Variants in FHIT observed in about 807,000 individuals in gnomAD.
FHIT encodes the protein bis(5'-adenosyl)-triphosphatase.
FHIT carries 19 observed loss-of-function variants against 17.9 expected under a neutral mutation model. That is an observed-to-expected ratio of 1.06 (90% CI 0.74 to 1.56). The LOEUF (loss-of-function observed/expected upper bound fraction) is 1.56. Ranked by LOEUF, FHIT falls within the 40% of genes most tolerant of loss-of-function variation. The pLI is 0.00. For missense variants in FHIT, 248 were observed against 189.2 expected (o/e 1.31, Z -1.82); for synonymous variants, 81 against 69.7 (o/e 1.16, Z -0.81).
intron 5 of FHIT, among the ~76,000 whole-genome samples, chr3:60,142,655 C>T (rs1576191684): frequency 6.6e-6 from 1 of 151,518 alleles, no homozygotes; most frequent in Middle Eastern, 3.2e-3. Context: ...GTGCACACCA[C>T]TATGCCCGGC....
intron 8 of FHIT, among the ~76,000 whole-genome samples, chr3:59,917,401 C>T (rs1352816774): frequency 1.3e-5 from 2 of 152,158 alleles, no homozygotes; most frequent in African/African-American, 4.8e-5. Context: ...TGGGATACAG[C>T]TAGGGTAAGT....
At chr3:59,981,980 G>C (rs1708675072) in intron 7 of FHIT, among the ~76,000 whole-genome samples, 1 of 151,520 alleles carries the variant, frequency 6.6e-6, no homozygotes, top group African/African-American at 2.4e-5. Flanking sequence ...AAAAATTATT[G>C]ATCTGGTATT....
chr3:60,176,790 G>A (rs533727738), intron 5 of FHIT, among the ~76,000 whole-genome samples: 1 of 152,234 alleles, frequency 6.6e-6, no homozygotes, highest in East Asian at 1.9e-4. Context: ...AAAGAGCTGC[G>A]TCAATCATGA....
intron 2 of FHIT, among the ~76,000 whole-genome samples, chr3:61,099,057 G>C (rs72877868): frequency 1.4e-3 from 209 of 152,296 alleles, no homozygotes; most frequent in African/African-American, 4.9e-3. Context: ...CTGTCTGTTT[G>C]CCATAGGTGG....
At chr3:60,204,494 T>C (rs886524466) in intron 5 of FHIT, among the ~76,000 whole-genome samples, 1 of 151,626 alleles carries the variant, frequency 6.6e-6, no homozygotes, top group African/African-American at 2.4e-5. Context: ...TTTCACCATG[T>C]TGCCCGGACT....
intron 5 of FHIT, among the ~76,000 whole-genome samples, chr3:60,421,478 C>G (rs962833722): frequency 6.6e-6 from 1 of 151,956 alleles, no homozygotes; most frequent in African/African-American, 2.4e-5. Flanking sequence ...ATTATTTTTC[C>G]AAACACTGCT....
intron 5 of FHIT, among the ~76,000 whole-genome samples, chr3:60,111,881 A>G (rs1287983667): frequency 6.6e-6 from 1 of 152,180 alleles, no homozygotes; most frequent in Non-Finnish European, 1.5e-5. Context: ...CTCAAATTAA[A>G]CATCCAACTC....
intron 5 of FHIT, among the ~76,000 whole-genome samples, chr3:60,181,565 C>T (rs1182008239): frequency 6.8e-6 from 1 of 148,102 alleles, no homozygotes; most frequent in Non-Finnish European, 1.5e-5. Flanking sequence ...ATGTCAGAAG[C>T]ACCCCCTATT....
chr3:59,755,406 T>A (rs1216085961), intron 8 of FHIT, among the ~76,000 whole-genome samples: 1 of 152,200 alleles, frequency 6.6e-6, no homozygotes, highest in Non-Finnish European at 1.5e-5. Flanking sequence ...TAAAGTTCCA[T>A]TTCCCTAAAG....
intron 3 of FHIT, among the ~76,000 whole-genome samples, chr3:60,865,264 T>C (rs2107027354): frequency 6.6e-6 from 1 of 152,350 alleles, no homozygotes; most frequent in South Asian, 2.1e-4. Context: ...ACTAATTATA[T>C]GTGGCTATTT....
At chr3:60,739,008 G>A (rs1272512456) in intron 4 of FHIT, among the ~76,000 whole-genome samples, 1 of 152,164 alleles carries the variant, frequency 6.6e-6, no homozygotes, top group African/African-American at 2.4e-5. Context: ...GAAAGAGAGA[G>A]GAGAAGGAAT....
chr3:60,970,581 AT>A (rs528366388), intron 3 of FHIT, among the ~76,000 whole-genome samples: 2 of 151,914 alleles, frequency 1.3e-5, no homozygotes, highest in Admixed American at 1.3e-4. Flanking sequence ...TATATTATCC[AT>A]TTTCCCCCTC....
intron 4 of FHIT, among the ~76,000 whole-genome samples, chr3:60,709,403 A>T (rs1553704408): frequency 1.3e-5 from 2 of 152,178 alleles, no homozygotes; most frequent in African/African-American, 4.8e-5. Context: ...AGCCTTTTCA[A>T]ATAACTGGAT....
chr3:59,837,732 G>T (rs1028894555), intron 8 of FHIT, among the ~76,000 whole-genome samples: 6 of 152,146 alleles, frequency 3.9e-5, no homozygotes, highest in African/African-American at 1.4e-4. Context: ...AAGGGAATGG[G>T]TTTGGACTTG....
At chr3:60,309,430 C>T (rs6446119) in intron 5 of FHIT, among the ~76,000 whole-genome samples, 21,261 of 151,918 alleles carry the variant, frequency 0.14, 1,568 homozygotes, top group African/African-American at 0.17. Flanking sequence ...CTACTTTGAA[C>T]ACTAAAAAAA....
intron 5 of FHIT, among the ~76,000 whole-genome samples, chr3:60,187,555 G>T (rs1452974457): frequency 6.6e-6 from 1 of 152,090 alleles, no homozygotes; most frequent in Non-Finnish European, 1.5e-5. Context: ...TAGAGAGTGG[G>T]TGATCACTTA....
intron 5 of FHIT, among the ~76,000 whole-genome samples, chr3:60,286,785 T>C (rs1347074087): frequency 1.3e-5 from 2 of 152,172 alleles, no homozygotes; most frequent in East Asian, 3.9e-4. Flanking sequence ...CATTTTAATG[T>C]CACTGAAAGG....
intron 5 of FHIT, among the ~76,000 whole-genome samples, chr3:60,219,574 A>G (rs1427757625): frequency 6.6e-6 from 1 of 152,186 alleles, no homozygotes; most frequent in African/African-American, 2.4e-5. Flanking sequence ...AATTTAAAAT[A>G]TATAATTAAA....
At chr3:60,260,941 C>G (rs879833957) in intron 5 of FHIT, among the ~76,000 whole-genome samples, 17 of 151,994 alleles carry the variant, frequency 1.1e-4, no homozygotes, top group Non-Finnish European at 2.2e-4. Context: ...ATGGCAAAGT[C>G]TGGAAGTTAC....
Sources: gnomAD v4.1 joint callset for allele counts (sites outside exome capture counted in the v4.1 genomes callset) on GRCh38, gnomAD v4.1.1 for gene constraint, MANE v1.5 for transcripts, NCBI Gene and HGNC (gene_info 2026-07-23, HGNC 2026-07-21) for gene names.